PXDNL: variants seen among roughly 807,000 people sequenced by gnomAD.
PXDNL encodes probable oxidoreductase PXDNL.
In PXDNL, 145 loss-of-function variants were observed where a neutral mutation model predicts 150.8. The observed-to-expected ratio is 0.96, with a 90% CI of 0.84 to 1.10. The LOEUF (loss-of-function observed/expected upper bound fraction) is 1.10, where lower values mean the gene tolerates loss of function less well. Among genes scored for constraint, PXDNL ranks in the 50% least tolerant of loss-of-function variants. The pLI, the probability that PXDNL is intolerant of heterozygous loss-of-function variation, is 0.00. For missense variants in PXDNL, 2,087 were observed against 1,873.9 expected (o/e 1.11, Z -2.10); for synonymous variants, 757 against 725.7 (o/e 1.04, Z -0.69).
intron 3 of PXDNL, among the ~76,000 whole-genome samples, chr8:51,569,230 G>A (rs1179706756): frequency 6.6e-6 from 1 of 151,856 alleles, no homozygotes; most frequent in African/African-American, 2.4e-5. Flanking sequence ...AGTACTGAAA[G>A]GTGACTTGCA....
At chr8:51,513,255 C>T (rs563359654) in intron 4 of PXDNL, among the ~76,000 whole-genome samples, 1 of 152,244 alleles carries the variant, frequency 6.6e-6, no homozygotes, top group East Asian at 1.9e-4. Flanking sequence ...TGTGCACTTG[C>T]AGGCAGGGCC....
At chr8:51,434,076 T>A (rs1809328644) in intron 12 of PXDNL, among the ~76,000 whole-genome samples, 1 of 152,216 alleles carries the variant, frequency 6.6e-6, no homozygotes, top group Non-Finnish European at 1.5e-5. Flanking sequence ...AACACTTTGA[T>A]GGATATACAA....
intron 20 of PXDNL, 25 bp downstream of exon 20, chr8:51,345,808 A>G (rs780935381): frequency 2.1e-6 from 3 of 1,445,894 alleles, no homozygotes; most frequent in African/African-American, 2.8e-5. Flanking sequence ...AGTTGCCTAA[A>G]GAAATGAGAT....
chr8:51,386,030 C>T (rs904750124), intron 17 of PXDNL, among the ~76,000 whole-genome samples: 4 of 151,910 alleles, frequency 2.6e-5, no homozygotes, highest in East Asian at 3.9e-4. Context: ...AAGCAGATAA[C>T]GAATAAAAGA....
At chr8:51,446,098 A>G (rs765765026) in intron 12 of PXDNL, among the ~76,000 whole-genome samples, 32 of 152,350 alleles carry the variant, frequency 2.1e-4, no homozygotes, top group Admixed American at 5.9e-4. Context: ...CTAACAGACC[A>G]TATGTAGACA....
At chr8:51,755,503 G>C (rs558166570) in intron 1 of PXDNL, among the ~76,000 whole-genome samples, 1 of 151,920 alleles carries the variant, frequency 6.6e-6, no homozygotes, top group Non-Finnish European at 1.5e-5. Flanking sequence ...CATGTTGCAG[G>C]CTGGTCTCAA....
At chr8:51,638,973 T>G (rs1346165799) in intron 2 of PXDNL, among the ~76,000 whole-genome samples, 4 of 152,092 alleles carry the variant, frequency 2.6e-5, no homozygotes. Flanking sequence ...TCAGCAAATG[T>G]AAAAGAACAG....
chr8:51,533,187 G>C (rs1811943247), intron 4 of PXDNL, among the ~76,000 whole-genome samples: 1 of 152,074 alleles, frequency 6.6e-6, no homozygotes, highest in South Asian at 2.1e-4. Context: ...GTCTTGCCCT[G>C]TCACCCAGGC....
intron 17 of PXDNL, among the ~76,000 whole-genome samples, chr8:51,400,168 A>C (rs1808203691): frequency 6.6e-6 from 1 of 152,178 alleles, no homozygotes; most frequent in Non-Finnish European, 1.5e-5. Flanking sequence ...ATACATAATG[A>C]GATATCATGG....
At chr8:51,482,547 C>T (rs186825714) in intron 6 of PXDNL, among the ~76,000 whole-genome samples, 34 of 152,084 alleles carry the variant, frequency 2.2e-4, no homozygotes, top group African/African-American at 2.9e-4. Flanking sequence ...GGGCCAGGGG[C>T]GGAATGATAT....
intron 19 of PXDNL, among the ~76,000 whole-genome samples, chr8:51,351,323 A>G (rs1806343134): frequency 6.6e-6 from 1 of 152,220 alleles, no homozygotes; most frequent in Admixed American, 6.5e-5. Flanking sequence ...TGGGCCACTA[A>G]TTCAACATGA....
At position 51,809,308 on chromosome 8, in the gene PXDNL, GAA is replaced by G. The variant is rs1266502699; in HGVS notation, c.35_36del (p.Phe12SerfsTer20). On this transcript the variant is annotated frameshift_variant, in exon 1 of 23. Transcript: ENST00000356297. LOFTEE classifies it high-confidence loss of function. ...CCTGGCAGGCACCACCCGGCCAGGA[GAA>G]AGAGAGTGGTCCAGCAGAACAGTCT... ...EPRLFCWTTL[F>X]LLAGWCLPGL... The G allele has an allele frequency of 1.3e-6, 2 of 1,573,198 alleles. No homozygotes were observed. The highest frequency in any genetic ancestry group is 2.7e-5 in the African/African-American group (2 of 73,962).
intron 1 of PXDNL, among the ~76,000 whole-genome samples, chr8:51,686,317 C>A: frequency 6.6e-6 from 1 of 152,236 alleles, no homozygotes; most frequent in Non-Finnish European, 1.5e-5. Context: ...AAACCACAGC[C>A]ATGCTTTCTT....
chr8:51,348,045 G>A (rs1806215117), intron 19 of PXDNL, among the ~76,000 whole-genome samples: 1 of 152,102 alleles, frequency 6.6e-6, no homozygotes, highest in Admixed American at 6.5e-5. Context: ...ACTGAATTAA[G>A]GTATTAGGCT....
At chr8:51,531,848 T>C (rs1436148780) in intron 4 of PXDNL, among the ~76,000 whole-genome samples, 1 of 152,160 alleles carries the variant, frequency 6.6e-6, no homozygotes, top group Non-Finnish European at 1.5e-5. Context: ...AGTTCAAGTA[T>C]AGAAACAGGA....
chr8:51,538,650 C>G (rs1812142356), intron 4 of PXDNL, among the ~76,000 whole-genome samples: 1 of 151,968 alleles, frequency 6.6e-6, no homozygotes, highest in Non-Finnish European at 1.5e-5. Context: ...GTCTGTAATC[C>G]CAGCTACTCA....
chr8:51,522,024 A>G (rs28547509), intron 4 of PXDNL, among the ~76,000 whole-genome samples: 28,478 of 152,176 alleles, frequency 0.19, 3,073 homozygotes, highest in African/African-American at 0.29. Context: ...GAAATGCAAT[A>G]GGTCAGAAAC....
At chr8:51,504,733 T>G (rs181111176) in intron 4 of PXDNL, among the ~76,000 whole-genome samples, 1 of 152,350 alleles carries the variant, frequency 6.6e-6, no homozygotes, top group African/African-American at 2.4e-5. Flanking sequence ...GTTTGACAAA[T>G]AGATAGTCAG....
chr8:51,697,691 C>A (rs1465537465), intron 1 of PXDNL, among the ~76,000 whole-genome samples: 1 of 152,196 alleles, frequency 6.6e-6, no homozygotes, highest in Non-Finnish European at 1.5e-5. Context: ...CCTGCACCAT[C>A]CAGGAGTGCC....
Sources: gnomAD v4.1 joint callset for allele counts (sites outside exome capture counted in the v4.1 genomes callset) on GRCh38, gnomAD v4.1.1 for gene constraint, MANE v1.5 for transcripts, NCBI Gene and HGNC (gene_info 2026-07-23, HGNC 2026-07-21) for gene names.